ZFAND4: variants seen among roughly 807,000 people sequenced by gnomAD.
ZFAND4 encodes the protein zinc finger AN1-type containing 4.
ZFAND4 carries 43 observed loss-of-function variants against 64.4 expected under a neutral mutation model. The observed-to-expected ratio is 0.67, with a 90% confidence interval of 0.52 to 0.86. The LOEUF is 0.86. Among genes scored for constraint, ZFAND4 ranks in the 40% least tolerant of loss-of-function variants. The pLI is 0.00. For missense variants in ZFAND4, 929 were observed against 859.8 expected, an observed-to-expected ratio of 1.08 and a Z score of -1.01; for synonymous variants, 296 against 305.7, an observed-to-expected ratio of 0.97 and a Z score of 0.33.
chr10:45,633,215 C>CAAA (rs201868878), intron 6 of ZFAND4, among the ~76,000 whole-genome samples: 1 of 88,000 alleles, frequency 1.1e-5, no homozygotes, highest in Non-Finnish European at 2.6e-5. Context: ...ATCAAGTTGA[C>CAAA]AAAAAAAAAA....
chr10:45,653,649 T>G (rs1232723497), intron 2 of ZFAND4, among the ~76,000 whole-genome samples: 1 of 152,126 alleles, frequency 6.6e-6, no homozygotes, highest in Non-Finnish European at 1.5e-5. Flanking sequence ...GAATGGCTAT[T>G]AATAAAAAGT....
At chr10:45,650,911 CTTTG>C (rs2047717597) in intron 4 of ZFAND4, 3 of 152,168 alleles carry the variant, frequency 2.0e-5, no homozygotes, top group African/African-American at 7.2e-5. Context: ...ACATTATTAA[CTTTG>C]TTTTTCTCTA....
Position 45,616,263 on chromosome 10 carries a change from C to G in ZFAND4, c.*173G>C, listed in dbSNP as rs913375820. ...ACTACTTTTAAAACTTTTGTTTCAC[C>G]AAGAAATAAAGATGTAAAATACAGT... On this transcript the variant is annotated 3_prime_UTR_variant, in exon 10 of 10. Transcript: ENST00000344646. The G allele has an allele frequency of 8.0e-6, 7 of 877,382 alleles. No individual in the cohort carries two copies. Among genetic ancestry groups the G allele is most frequent in the Middle Eastern group, 5.7e-4 (2 of 3,488 alleles). The allele number at this position is 877,382 out of a possible 1,614,324, so 54.3% of individuals were successfully genotyped here. A position where few individuals can be genotyped will look rare whatever the true frequency, so the allele number is the denominator to read the frequency against.
At chr10:45,632,481 TGA>T (rs980459296) in intron 6 of ZFAND4, among the ~76,000 whole-genome samples, 1 of 152,094 alleles carries the variant, frequency 6.6e-6, no homozygotes, top group African/African-American at 2.4e-5. Flanking sequence ...AAATTTTTAA[TGA>T]GAGGATGAAG....
intron 6 of ZFAND4, among the ~76,000 whole-genome samples, chr10:45,634,659 G>A (rs2133644234): frequency 6.6e-6 from 1 of 152,134 alleles, no homozygotes; most frequent in East Asian, 1.9e-4. Flanking sequence ...CCTAGCTGGA[G>A]AAATCAGACA....
intron 1 of ZFAND4, among the ~76,000 whole-genome samples, chr10:45,671,208 AG>A (rs2049163529): frequency 1.3e-5 from 2 of 152,376 alleles, no homozygotes; most frequent in Non-Finnish European, 2.9e-5. Flanking sequence ...GTGTAGAAAT[AG>A]GAACACTTTT....
intron 1 of ZFAND4, among the ~76,000 whole-genome samples, chr10:45,671,136 T>C (rs1351657775): frequency 6.6e-6 from 1 of 152,172 alleles, no homozygotes; most frequent in East Asian, 1.9e-4. Context: ...TGAGATACCA[T>C]CTCACACCAG....
chr10:45,630,839 C>G (rs1271581270), intron 6 of ZFAND4, among the ~76,000 whole-genome samples: 3 of 151,684 alleles, frequency 2.0e-5, no homozygotes, highest in African/African-American at 7.3e-5. Context: ...GAAGTTCTAA[C>G]AGGGCAGAGG....
intron 5 of ZFAND4, among the ~76,000 whole-genome samples, chr10:45,645,105 C>T (rs562980127): frequency 2.0e-5 from 3 of 151,896 alleles, no homozygotes; most frequent in East Asian, 1.9e-4. Context: ...CCACAGCCTC[C>T]GAAGTAGCTG....
intron 4 of ZFAND4, among the ~76,000 whole-genome samples, chr10:45,649,219 G>C (rs150733286): frequency 1.0e-3 from 154 of 150,756 alleles, no homozygotes; most frequent in African/African-American, 3.5e-3. Flanking sequence ...GAAATTAGAA[G>C]TAAGCAGACC....
intron 6 of ZFAND4, among the ~76,000 whole-genome samples, chr10:45,629,713 A>C (rs2046076904): frequency 6.6e-6 from 1 of 152,022 alleles, no homozygotes; most frequent in African/African-American, 2.4e-5. Context: ...ATACAAAAAA[A>C]TTAGCTGGGC....
intron 6 of ZFAND4, among the ~76,000 whole-genome samples, chr10:45,635,835 G>A (rs2046561800): frequency 6.6e-6 from 1 of 152,116 alleles, no homozygotes; most frequent in Non-Finnish European, 1.5e-5. Context: ...TAACATTACT[G>A]AACTGTTTGT....
chr10:45,631,012 A>C (rs1183828772), intron 6 of ZFAND4, among the ~76,000 whole-genome samples: 1 of 151,346 alleles, frequency 6.6e-6, no homozygotes, highest in African/African-American at 2.4e-5. Context: ...CGATGTTCTA[A>C]CTTATGTATA....
In ZFAND4 at chr10:45,669,874, C is replaced by T. The variant is rs1387248517; in HGVS notation, c.-118+2376G>A. Among the ~76,000 whole-genome samples the T allele has an allele frequency of 3.3e-5, 5 of 152,264 alleles. No homozygotes were observed. In the East Asian group the frequency reaches 5.8e-4, roughly 18 times the overall value. On this transcript the variant is annotated intron_variant, in intron 1 of 9. Transcript: ENST00000344646. ...CTTAATAAACTAGGTATTGATGGAA[C>T]GTATCTCAAAATAATAAGAGCTATT...
chr10:45,654,100 T>C (rs919775032), intron 2 of ZFAND4, among the ~76,000 whole-genome samples: 4 of 152,158 alleles, frequency 2.6e-5, no homozygotes, highest in South Asian at 4.1e-4. Flanking sequence ...TTCTCACTTA[T>C]AAGCAGGAGC....
intron 5 of ZFAND4, among the ~76,000 whole-genome samples, chr10:45,641,080 T>G (rs2046968087): frequency 6.6e-6 from 1 of 152,242 alleles, no homozygotes; most frequent in South Asian, 2.1e-4. Context: ...TTCTCCCACA[T>G]GTAAGCAAGT....
intron 8 of ZFAND4, among the ~76,000 whole-genome samples, chr10:45,623,966 C>T (rs912221422): frequency 1.3e-5 from 2 of 152,180 alleles, no homozygotes; most frequent in African/African-American, 4.8e-5. Flanking sequence ...GGTGGCACAT[C>T]TTTGGTAACG....
At chr10:45,637,604 G>T (rs1411691667) in intron 6 of ZFAND4, among the ~76,000 whole-genome samples, 1 of 151,902 alleles carries the variant, frequency 6.6e-6, no homozygotes, top group Non-Finnish European at 1.5e-5. Flanking sequence ...ACAAAAATTA[G>T]CCGGGCGTGG....
In ZFAND4 at chr10:45,627,052, A is replaced by G. The variant is rs769661459; in HGVS notation, c.771T>C (p.Ser257=). The change falls in exon 7 of 10, where the codon TCT becomes TCC. Residue 257 remains serine (S), a synonymous_variant. Coordinates refer to ENST00000344646, the MANE Select transcript of ZFAND4 (RefSeq NM_174890.4). ...GGCGAGATGGTGCAGTGGAACCACT[A>G]GAAGGTCGAGGAGCTACAGGTGGGT... ...KPHPPVAPRP[S]SGSTAPSRHR... is the part of the protein sequence containing the mutation. The G allele has an allele frequency of 1.3e-6, 2 of 1,590,272 alleles. No individual in the cohort carries two copies. Among genetic ancestry groups the G allele is most frequent in the South Asian group, 2.3e-5 (2 of 86,416 alleles).
Sources: gnomAD v4.1 joint callset for allele counts (sites outside exome capture counted in the v4.1 genomes callset) on GRCh38, gnomAD v4.1.1 for gene constraint, MANE v1.5 for transcripts, NCBI Gene and HGNC (gene_info 2026-07-23, HGNC 2026-07-21) for gene names.